Variants in CNTNAP2 observed in about 807,000 individuals in gnomAD.
CNTNAP2 encodes the protein contactin-associated protein-like 2.
A neutral mutation model predicts 155.2 loss-of-function variants in CNTNAP2; 98 were observed. That is an observed-to-expected ratio of 0.63 (90% CI 0.54 to 0.75). The LOEUF is 0.75. Among genes scored for constraint, CNTNAP2 ranks in the 30% least tolerant of loss-of-function variants. CNTNAP2 has a pLI of 0.00. For synonymous variants in CNTNAP2, 651 were observed against 631.2 expected, an observed-to-expected ratio of 1.03 and a Z score of -0.47; for missense variants, 1,727 against 1,688.1, an observed-to-expected ratio of 1.02 and a Z score of -0.40.
At chr7:146,825,972 T>C (rs1302452498) in intron 2 of CNTNAP2, among the ~76,000 whole-genome samples, 1 of 152,132 alleles carries the variant, frequency 6.6e-6, no homozygotes, top group Non-Finnish European at 1.5e-5. Flanking sequence ...TTATTGCCTG[T>C]TTAATAATAG....
chr7:146,532,442 C>CT (rs1278586764), intron 1 of CNTNAP2, among the ~76,000 whole-genome samples: 2 of 152,012 alleles, frequency 1.3e-5, no homozygotes, highest in Admixed American at 1.3e-4. Flanking sequence ...ACATTTCTAA[C>CT]TTTTTTTTCT....
At chr7:147,695,332 T>A (rs1292353644) in intron 13 of CNTNAP2, among the ~76,000 whole-genome samples, 1 of 152,186 alleles carries the variant, frequency 6.6e-6, no homozygotes, top group African/African-American at 2.4e-5. Context: ...TGAAGTAGTT[T>A]ATAGGTGTCG....
At chr7:146,564,507 T>A (rs544594938) in intron 1 of CNTNAP2, among the ~76,000 whole-genome samples, 6 of 149,192 alleles carry the variant, frequency 4.0e-5, no homozygotes, top group Admixed American at 1.3e-4. Flanking sequence ...TATATTAGAG[T>A]TGTATATTAT....
chr7:147,364,614 T>A (rs1382573154), intron 9 of CNTNAP2, among the ~76,000 whole-genome samples: 1 of 152,144 alleles, frequency 6.6e-6, no homozygotes, highest in East Asian at 1.9e-4. Context: ...TTAAAAATAT[T>A]CCTAACCAGC....
rs1178104853 is a variant in CNTNAP2, at chr7:147,663,878, A to G, written c.2098+24572A>G. On this transcript the variant is annotated intron_variant, in intron 13 of 23. Transcript: ENST00000361727. ...TAATTTCTAAATGTGGAATTGGTTC[A>G]TTTATTTACTTATTTATCCATTCTA... is the stretch of plus-strand genomic sequence containing the variant. 3.9e-5 allele frequency among the ~76,000 whole-genome samples: 6 copies of G among 152,282 alleles called. No homozygotes were observed. The East Asian group carries it at 1.2e-3, about 29-fold the overall frequency.
chr7:147,463,731 C>T (rs533167010), intron 10 of CNTNAP2, among the ~76,000 whole-genome samples: 47 of 152,212 alleles, frequency 3.1e-4, no homozygotes, highest in African/African-American at 1.1e-3. Flanking sequence ...TTCTAGCTAG[C>T]TCAATTTACA....
At chr7:147,318,902 T>G (rs2116815254) in intron 9 of CNTNAP2, among the ~76,000 whole-genome samples, 1 of 152,294 alleles carries the variant, frequency 6.6e-6, no homozygotes, top group East Asian at 1.9e-4. Context: ...AAGCATGTCT[T>G]TAATTTTTTC....
chr7:148,369,044 GTC>G (rs1798837309), intron 21 of CNTNAP2, among the ~76,000 whole-genome samples: 1 of 152,056 alleles, frequency 6.6e-6, no homozygotes, highest in South Asian at 2.1e-4. Context: ...GAGAGGGTCT[GTC>G]TCTCTTCTCT....
chr7:147,605,273 A>T (rs1801038786), intron 12 of CNTNAP2, among the ~76,000 whole-genome samples: 2 of 152,168 alleles, frequency 1.3e-5, no homozygotes, highest in South Asian at 4.1e-4. Flanking sequence ...GAGCCTATGA[A>T]ATCAACTGAC....
In CNTNAP2 at chr7:147,120,467, C is replaced by T. The variant is rs143034775; in HGVS notation, c.755-512C>T. Among the ~76,000 whole-genome samples the T allele has an allele frequency of 7.7e-4, 117 of 152,214 alleles. 1 individual carries two copies. Among genetic ancestry groups the T allele is most frequent in the African/African-American group, 2.5e-3 (104 of 41,548 alleles). On this transcript the variant is annotated intron_variant, in intron 5 of 23. Coordinates refer to ENST00000361727, the MANE Select transcript of CNTNAP2 (RefSeq NM_014141.6). ...CACGTGACACTGACTTTATAACAAA[C>T]CTACCAAAATTTAGCAGAATTCATT... is the stretch of plus-strand genomic sequence containing the variant.
intron 16 of CNTNAP2, among the ~76,000 whole-genome samples, chr7:148,119,893 C>T (rs139919506): frequency 6.4e-4 from 97 of 152,062 alleles, no homozygotes; most frequent in African/African-American, 2.2e-3. Flanking sequence ...GAGGCTAAGG[C>T]TATCCTGGTC....
At chr7:146,694,321 C>T (rs925600058) in intron 1 of CNTNAP2, among the ~76,000 whole-genome samples, 12 of 152,302 alleles carry the variant, frequency 7.9e-5, no homozygotes, top group Admixed American at 3.3e-4. Context: ...CACTTTTCCA[C>T]GTGGATATCC....
At chr7:147,304,098 T>C (rs1794987170) in intron 9 of CNTNAP2, among the ~76,000 whole-genome samples, 1 of 152,210 alleles carries the variant, frequency 6.6e-6, no homozygotes, top group East Asian at 1.9e-4. Context: ...GCCGTTTCAC[T>C]CCAGTGTGCA....
intron 13 of CNTNAP2, among the ~76,000 whole-genome samples, chr7:147,864,076 C>T (rs1174697997): frequency 6.6e-6 from 1 of 151,926 alleles, no homozygotes; most frequent in Non-Finnish European, 1.5e-5. Context: ...ACATTTAAGT[C>T]TTTAATCCAT....
intron 1 of CNTNAP2, among the ~76,000 whole-genome samples, chr7:146,587,997 C>CGTGT (rs764567174): frequency 0.024 from 3,223 of 135,820 alleles, 58 homozygotes; most frequent in South Asian, 0.054. Context: ...TCAAACAAAC[C>CGTGT]GTGTGTGTAT....
At chr7:146,931,546 C>T (rs1796758319) in intron 3 of CNTNAP2, among the ~76,000 whole-genome samples, 1 of 150,788 alleles carries the variant, frequency 6.6e-6, no homozygotes, top group African/African-American at 2.5e-5. Context: ...CAAGAGCAAA[C>T]ACATTCAAAA....
At chr7:148,271,221 T>G (rs7791654) in intron 21 of CNTNAP2, among the ~76,000 whole-genome samples, 115,748 of 152,072 alleles carry the variant, frequency 0.76, 44,199 homozygotes, top group South Asian at 0.87. Context: ...TTGTATAGAA[T>G]AAGGAGCTAA....
chr7:147,368,842 A>G (rs914095881), intron 9 of CNTNAP2, among the ~76,000 whole-genome samples: 2 of 152,226 alleles, frequency 1.3e-5, no homozygotes, highest in Non-Finnish European at 2.9e-5. Flanking sequence ...GTGTAATTAA[A>G]AACAATTAAT....
intron 1 of CNTNAP2, among the ~76,000 whole-genome samples, chr7:146,616,598 A>T (rs569269599): frequency 6.6e-6 from 1 of 152,282 alleles, no homozygotes; most frequent in South Asian, 2.1e-4. Context: ...TTATAGTCAA[A>T]AAAAAGCTGA....
Sources: gnomAD v4.1 joint callset for allele counts (sites outside exome capture counted in the v4.1 genomes callset) on GRCh38, gnomAD v4.1.1 for gene constraint, MANE v1.5 for transcripts, NCBI Gene and HGNC (gene_info 2026-07-23, HGNC 2026-07-21) for gene names.